BTBD7: variants seen among roughly 807,000 people sequenced by gnomAD.
The protein encoded by BTBD7 is BTB domain containing 7, also known as BTB/POZ domain-containing protein 7.
In BTBD7, 38 loss-of-function variants were observed where a neutral mutation model predicts 99.9. That is an observed-to-expected ratio of 0.38 (90% CI 0.29 to 0.50). The LOEUF is 0.50. Among genes scored for constraint, BTBD7 ranks in the 20% least tolerant of loss-of-function variants. The pLI is 0.93. For missense variants in BTBD7, 1,170 were observed against 1,394.6 expected, an observed-to-expected ratio of 0.84 and a Z score of 2.57; for synonymous variants, 520 against 511.4, an observed-to-expected ratio of 1.02 and a Z score of -0.23.
intron 1 of BTBD7, among the ~76,000 whole-genome samples, chr14:93,329,732 A>T (rs2053378244): frequency 6.6e-6 from 1 of 152,240 alleles, no homozygotes; most frequent in Non-Finnish European, 1.5e-5. Flanking sequence ...TATACGTGGT[A>T]CTTACAGTAG....
chr14:93,309,005 CAACTT>C (rs937284976), intron 1 of BTBD7, among the ~76,000 whole-genome samples: 2 of 151,992 alleles, frequency 1.3e-5, no homozygotes, highest in African/African-American at 4.8e-5. Context: ...TTTTAAGTGA[CAACTT>C]AAAAAATGGA....
At position 93,316,254 on chromosome 14, in the gene BTBD7, CT is replaced by C. The variant is rs71129627; in HGVS notation, c.-107+16565del. 2.5e-4 allele frequency among the ~76,000 whole-genome samples: 36 copies of C among 146,610 alleles called. No homozygotes were observed. The Middle Eastern group carries it at 0.011, about 43-fold the overall frequency. ...ACAGGTGCAAGCCACCATGCCCAGT[CT>C]TTTTTTTTTTAATTTTTTTTAAAAA... is the stretch of plus-strand genomic sequence containing the variant. On this transcript the variant is annotated intron_variant, in intron 1 of 10. Transcript: ENST00000334746.
In BTBD7 at chr14:93,296,109, C is replaced by G; in HGVS notation, c.-58G>C. 1 of 1,564,916 alleles carries G rather than the reference C, an allele frequency of 6.4e-7. No individual in the cohort carries two copies. Among genetic ancestry groups the G allele is most frequent in the Non-Finnish European group, 8.7e-7 (1 of 1,153,502 alleles). ...GTTCTTCAGAGTATAATCCCAGAGG[C>G]CTTTATGAACCTTCAACCCTGGATC... On this transcript the variant is annotated 5_prime_UTR_variant, in exon 2 of 11. Transcript: ENST00000334746.
At chr14:93,298,457 A>G (rs2052956033) in intron 1 of BTBD7, among the ~76,000 whole-genome samples, 1 of 152,226 alleles carries the variant, frequency 6.6e-6, no homozygotes, top group South Asian at 2.1e-4. Context: ...TATATTAAAA[A>G]TATTGTATAA....
At chr14:93,332,756 C>T in intron 1 of BTBD7, 64 bp downstream of exon 1, 2 of 1,439,404 alleles carry the variant, frequency 1.4e-6, no homozygotes, top group East Asian at 3.1e-5. Flanking sequence ...CTCTCCCGGA[C>T]GCCCCGCGCC....
intron 1 of BTBD7, among the ~76,000 whole-genome samples, chr14:93,302,230 T>C (rs1026622311): frequency 1.3e-5 from 2 of 152,148 alleles, no homozygotes; most frequent in African/African-American, 4.8e-5. Context: ...TTAAACAGTA[T>C]GAGAGCACAG....
rs569456617 is a variant in BTBD7 at position 93,271,189 on chromosome 14, C to T, written c.1163-7196G>A. ...CTCTGGTAACTAAAAATAGCCTCAACGTTGACAGTTCTCCTGAATACACTG... is the reference window on the plus strand; with the variant it reads ...CTCTGGTAACTAAAAATAGCCTCAATGTTGACAGTTCTCCTGAATACACTG... On this transcript the variant is annotated intron_variant, in intron 3 of 10. Coordinates refer to ENST00000334746, the MANE Select transcript of BTBD7 (RefSeq NM_001002860.4). Among the ~76,000 whole-genome samples, 370 of 152,300 alleles carry T rather than the reference C, an allele frequency of 2.4e-3. 1 individual carries two copies. Among genetic ancestry groups the T allele is most frequent in the African/African-American group, 8.5e-3 (354 of 41,568 alleles).
intron 8 of BTBD7, among the ~76,000 whole-genome samples, chr14:93,249,084 A>T (rs1443875310): frequency 6.6e-6 from 1 of 152,116 alleles, no homozygotes; most frequent in Admixed American, 6.5e-5. Context: ...TTTCTGGCTT[A>T]GTGATATGAA....
chr14:93,256,986 C>A, intron 6 of BTBD7: 1 of 509,804 alleles, frequency 2.0e-6, no homozygotes, highest in Non-Finnish European at 3.4e-6. Flanking sequence ...CCTATTTACC[C>A]ACTCAACTCT....
chr14:93,309,943 C>T (rs2053118995), intron 1 of BTBD7, among the ~76,000 whole-genome samples: 1 of 149,038 alleles, frequency 6.7e-6, no homozygotes, highest in Non-Finnish European at 1.5e-5. Context: ...AAGTTTCAAC[C>T]AACATTTACC....
At chr14:93,300,170 G>A (rs1342603830) in intron 1 of BTBD7, among the ~76,000 whole-genome samples, 1 of 151,934 alleles carries the variant, frequency 6.6e-6, no homozygotes, top group African/African-American at 2.4e-5. Context: ...ACATAAGAAC[G>A]TCGAAACAGA....
At chr14:93,315,521 G>C (rs8009827) in intron 1 of BTBD7, among the ~76,000 whole-genome samples, 13,400 of 152,186 alleles carry the variant, frequency 0.088, 1,326 homozygotes, top group African/African-American at 0.24. Context: ...GTTCTGACAT[G>C]TAGAACATTT....
rs529061647 is a variant in BTBD7, at chr14:93,290,188, C to T, written c.1162+3670G>A. Among the ~76,000 whole-genome samples the T allele has an allele frequency of 8.0e-4, 121 of 151,600 alleles. 1 individual carries two copies. The highest frequency in any genetic ancestry group is 2.9e-3 in the African/African-American group (119 of 41,294). On this transcript the variant is annotated intron_variant, in intron 3 of 10. Coordinates refer to ENST00000334746, the MANE Select transcript of BTBD7 (RefSeq NM_001002860.4). ...CCTTTTACCCACTTGCCAAACCACT[C>T]TAGCTGTCTGCCAATACTGCCTTTT... is the stretch of plus-strand genomic sequence containing the variant.
At chr14:93,272,617 C>T (rs1409985693) in intron 3 of BTBD7, among the ~76,000 whole-genome samples, 4 of 152,188 alleles carry the variant, frequency 2.6e-5, no homozygotes, top group African/African-American at 7.2e-5. Context: ...ATACAGAGCA[C>T]ACTATTGAAA....
intron 3 of BTBD7, among the ~76,000 whole-genome samples, chr14:93,281,410 T>C (rs2052718582): frequency 6.6e-6 from 1 of 152,228 alleles, no homozygotes; most frequent in African/African-American, 2.4e-5. Context: ...CTGCTGGGAT[T>C]ACAGGCATGA....
chr14:93,300,186 A>C (rs1230235206), intron 1 of BTBD7, among the ~76,000 whole-genome samples: 2 of 152,160 alleles, frequency 1.3e-5, no homozygotes, highest in Non-Finnish European at 2.9e-5. Flanking sequence ...ACAGAGTTCC[A>C]AAAATTTAAT....
chr14:93,256,326 G>A (rs983277682), intron 6 of BTBD7: 21 of 151,978 alleles, frequency 1.4e-4, no homozygotes, highest in Middle Eastern at 3.4e-3. Flanking sequence ...ATATTATGAT[G>A]TTTATAAGCA....
chr14:93,306,688 T>G (rs2053074523), intron 1 of BTBD7, among the ~76,000 whole-genome samples: 1 of 152,166 alleles, frequency 6.6e-6, no homozygotes, highest in Admixed American at 6.5e-5. Context: ...GGTGCTTATT[T>G]CTTGAGGCGC....
chr14:93,248,680 G>C, intron 8 of BTBD7, 26 bp from the exon 9 acceptor site: 1 of 1,562,404 alleles, frequency 6.4e-7, no homozygotes. Flanking sequence ...CAGTGGGCAA[G>C]CAAAATTCCT....
Sources: allele counts gnomAD v4.1 joint callset (sites outside exome capture counted in the v4.1 genomes callset), GRCh38; gene constraint gnomAD v4.1.1; transcripts MANE v1.5; gene names NCBI Gene and HGNC (gene_info 2026-07-23, HGNC 2026-07-21).